Variants in XPO1 observed in about 807,000 individuals in gnomAD.
The protein encoded by XPO1 is exportin-1.
Under a neutral mutation model 133.3 loss-of-function variants are expected in XPO1, and 5 were observed. The ratio of observed to expected loss-of-function variants is 0.04; its 90% CI spans 0.02 to 0.08. XPO1 has a LOEUF of 0.08. Ranked by LOEUF, XPO1 falls within the 10% of genes least tolerant of loss-of-function variation. The pLI is 1.00. For missense variants in XPO1, 506 were observed against 1,267.5 expected (o/e 0.40, Z 9.12); for synonymous variants, 419 against 408.2 (o/e 1.03, Z -0.32).
chr2:61,527,242 G>T (rs553882287), intron 2 of XPO1, among the ~76,000 whole-genome samples: 1 of 151,474 alleles, frequency 6.6e-6, no homozygotes, highest in East Asian at 1.9e-4. Context: ...GACTGAGGCA[G>T]GAGGACCACT....
chr2:61,513,317 C>G (rs1041910420), intron 4 of XPO1, among the ~76,000 whole-genome samples: 1 of 146,178 alleles, frequency 6.8e-6, no homozygotes, highest in African/African-American at 2.5e-5. Flanking sequence ...GATCTTAATG[C>G]AAAAGCTAAA....
At chr2:61,531,330 T>C (rs1173383061) in intron 2 of XPO1, among the ~76,000 whole-genome samples, 2 of 152,228 alleles carry the variant, frequency 1.3e-5, no homozygotes, top group Non-Finnish European at 2.9e-5. Context: ...TCCTTTTACT[T>C]TGGGAAAGTT....
At chr2:61,533,683 T>C in intron 2 of XPO1, 89 bp downstream of exon 2, 2 of 1,314,628 alleles carry the variant, frequency 1.5e-6, no homozygotes, top group Non-Finnish European at 2.0e-6. Flanking sequence ...GAATATCTTT[T>C]TTAAAGGTGA....
At chr2:61,524,668 G>A (rs1046618189) in intron 3 of XPO1, among the ~76,000 whole-genome samples, 2 of 152,374 alleles carry the variant, frequency 1.3e-5, no homozygotes, top group East Asian at 1.9e-4. Context: ...GCCCTCGCCT[G>A]TAATCCCAAC....
intron 17 of XPO1, among the ~76,000 whole-genome samples, chr2:61,489,674 C>T (rs567724475): frequency 2.0e-5 from 3 of 151,502 alleles, no homozygotes; most frequent in South Asian, 4.2e-4. Context: ...CCTGCCTCAG[C>T]CTCCTGAGTA....
intron 23 of XPO1, 72 bp from the exon 24 acceptor site, chr2:61,481,353 G>C: frequency 8.5e-7 from 1 of 1,178,894 alleles, no homozygotes; most frequent in African/African-American, 1.6e-5. Flanking sequence ...TCTGTCACCA[G>C]GCTGGAGTAC....
At chr2:61,528,733 TTATATATATATA>T (rs10528074) in intron 2 of XPO1, among the ~76,000 whole-genome samples, 1,555 of 115,660 alleles carry the variant, frequency 0.013, 30 homozygotes, top group African/African-American at 0.035. Flanking sequence ...GACATTTTAT[TTATATATATATA>T]TATATATATA....
rs758036170 is a variant in XPO1, at chr2:61,490,788, A to G, written c.1888-12T>C. On this transcript the variant is annotated splice_polypyrimidine_tract_variant and intron_variant, in intron 16 of 24. Transcript: ENST00000401558. ...TAAAACGTATGAACCTATTTTAAAAAGCAGACATTTTAACGTTTATGTTAT... is the reference window on the plus strand; with the variant it reads ...TAAAACGTATGAACCTATTTTAAAAGGCAGACATTTTAACGTTTATGTTAT... 3.7e-6 allele frequency: 6 copies of G among 1,609,826 alleles called. No individual in the cohort carries two copies. Among genetic ancestry groups the G allele is most frequent in the Non-Finnish European group, 3.4e-6 (4 of 1,178,634 alleles).
chr2:61,478,571 G>T lies in XPO1; in HGVS notation c.*249C>A, dbSNP rs923596692. 4.8e-6 allele frequency: 2 copies of T among 412,978 alleles called. No homozygotes were observed. The highest frequency in any genetic ancestry group is 8.4e-6 in the Non-Finnish European group (2 of 238,178). 25.6% of individuals were successfully genotyped at this position (412,978 alleles called of 1,614,324 possible). ...CCAGCCCAGCCACAAAAATGGGCATGAAGTAAAATTTTTAAAAATGCCTTA... is the reference window on the plus strand; with the variant it reads ...CCAGCCCAGCCACAAAAATGGGCATTAAGTAAAATTTTTAAAAATGCCTTA... On this transcript the variant is annotated 3_prime_UTR_variant, in exon 25 of 25. Transcript: ENST00000401558.
Position 61,494,111 on chromosome 2 carries a change from T to G in XPO1, c.1048-20A>C. 4 of 1,596,590 alleles carry G rather than the reference T, an allele frequency of 2.5e-6. No homozygotes were observed. The highest frequency in any genetic ancestry group is 3.4e-6 in the Non-Finnish European group (4 of 1,173,248). ...AAGGGCCTACACAGAAGACCAAAAC[T>G]GTTAAAATAATTCTTAAACATTACC... On this transcript the variant is annotated intron_variant, in intron 11 of 24. Transcript: ENST00000401558.
intron 10 of XPO1, 87 bp downstream of exon 10, chr2:61,496,792 C>A (rs555920402): frequency 7.7e-7 from 1 of 1,293,160 alleles, no homozygotes. Flanking sequence ...ATCTTTGATA[C>A]GTCGTTCTAA....
chr2:61,482,214 C>CT lies in XPO1; in HGVS notation c.2972+165dup, dbSNP rs548004205. Among the ~76,000 whole-genome samples the CT allele has an allele frequency of 1.4e-4, 20 of 147,340 alleles. No homozygotes were observed. The South Asian group carries it at 1.9e-3, about 14-fold the overall frequency. On this transcript the variant is annotated intron_variant, in intron 23 of 24. Transcript: ENST00000401558. ...TACAGATGCATACCACTTCTGACTA[C>CT]TTTTTTTTTTGTAGAGACGGGATCT...
chr2:61,503,614 T>C (rs183314362), intron 4 of XPO1, among the ~76,000 whole-genome samples: 41 of 152,002 alleles, frequency 2.7e-4, no homozygotes, highest in African/African-American at 9.6e-4. Flanking sequence ...TTAGTAGAGA[T>C]GGGGTTTCAC....
chr2:61,488,879 A>G (rs1573117970), intron 17 of XPO1, 108 bp from the exon 18 acceptor site: 3 of 1,187,674 alleles, frequency 2.5e-6, no homozygotes, highest in Non-Finnish European at 2.4e-6. Context: ...AGGCGGGCGG[A>G]TGATGAGTTC....
intron 3 of XPO1, among the ~76,000 whole-genome samples, chr2:61,524,054 T>C (rs1379335702): frequency 6.6e-6 from 1 of 152,174 alleles, no homozygotes; most frequent in African/African-American, 2.4e-5. Flanking sequence ...CTGAGAAATA[T>C]GTAAAAAAAA....
chr2:61,497,590 G>A (rs769089562), intron 9 of XPO1, among the ~76,000 whole-genome samples: 1 of 152,118 alleles, frequency 6.6e-6, no homozygotes, highest in Non-Finnish European at 1.5e-5. Flanking sequence ...TGACTTTTAG[G>A]AATGTTATAC....
At chr2:61,526,309 A>G in intron 3 of XPO1, 111 bp downstream of exon 3, 1 of 1,460,006 alleles carries the variant, frequency 6.8e-7, no homozygotes, top group Admixed American at 3.1e-5. Context: ...CAAATTAACA[A>G]TATAAAATAA....
rs1699443531 is a variant in XPO1 at position 61,538,249 on chromosome 2, C to G, written c.-694G>C. 6.2e-6 allele frequency: 1 copy of G among 160,550 alleles called. No homozygotes were observed. Among genetic ancestry groups the G allele is most frequent in the Non-Finnish European group, 1.4e-5 (1 of 73,258 alleles). 9.9% of individuals were successfully genotyped at this position (160,550 alleles called of 1,614,324 possible). The stretch of plus-strand genomic sequence containing the variant: ...CCGCGGCCGCTGCAGCCGCTTCTCC[C>G]CCTCCTCCTAGTGCCTCAAACTCGG... On this transcript the variant is annotated 5_prime_UTR_variant, in exon 1 of 25. Transcript: ENST00000401558.
intron 24 of XPO1, 122 bp from the exon 25 acceptor site, chr2:61,479,088 G>A: frequency 2.5e-6 from 3 of 1,187,162 alleles, no homozygotes; most frequent in Non-Finnish European, 3.5e-6. Flanking sequence ...AAAGTGGCTG[G>A]GTTTTAAATT....
Sources: allele counts gnomAD v4.1 joint callset (sites outside exome capture counted in the v4.1 genomes callset), GRCh38; gene constraint gnomAD v4.1.1; transcripts MANE v1.5; gene names NCBI Gene and HGNC (gene_info 2026-07-23, HGNC 2026-07-21).